Variants in USP39 observed in about 807,000 individuals in gnomAD.
USP39 encodes the protein ubiquitin carboxyl-terminal hydrolase 39.
USP39 carries 38 observed loss-of-function variants against 66.4 expected under a neutral mutation model. The observed-to-expected ratio is 0.57, with a 90% CI of 0.44 to 0.75. USP39 has a LOEUF of 0.75. USP39 is among the 30% of genes least tolerant of loss of function. The probability of loss-of-function intolerance (pLI) is 0.00; values close to 1 mark genes in which losing one functional copy is unlikely to be tolerated. For missense variants in USP39, 608 were observed against 714.4 expected (o/e 0.85, Z 1.70); for synonymous variants, 303 against 274.6 (o/e 1.10, Z -1.02).
At chr2:85,609,104 C>A (rs746389238), upstream of USP39, 7 of 1,608,432 alleles carry the variant, frequency 4.4e-6, no homozygotes, top group Admixed American at 1.0e-4. Context: ...CAGGGCCTGG[C>A]CTCTTCCAGA....
rs1676199432 is a variant in USP39, at chr2:85,641,040, TA to T, written c.1351del (p.Ile451SerfsTer30). The T allele has an allele frequency of 6.2e-7, 1 of 1,613,742 alleles. No homozygotes were observed. The highest frequency in any genetic ancestry group is 1.7e-5 in the Admixed American group (1 of 59,966). On this transcript the variant is annotated frameshift_variant, in exon 10 of 13. Transcript: ENST00000323701. LOFTEE classifies it high-confidence loss of function. Reference sequence around the variant, plus strand: ...CAGCTTACCAAGTTGCCTCCATATCTAATCTTTTGTATCAAGAGATTCACTA... The same window carrying T: ...CAGCTTACCAAGTTGCCTCCATATCTATCTTTTGTATCAAGAGATTCACTA... ...RFQLTKLPPY[L>X]IFCIKRFTKN...
chr2:85,617,771 A>G (rs1573391988), intron 1 of USP39, among the ~76,000 whole-genome samples: 4 of 152,186 alleles, frequency 2.6e-5, no homozygotes, highest in South Asian at 2.1e-4. Flanking sequence ...ACTGACACCA[A>G]TGCTATATTC....
At chr2:85,636,501 G>T (rs1675787208) in intron 7 of USP39, among the ~76,000 whole-genome samples, 1 of 152,058 alleles carries the variant, frequency 6.6e-6, no homozygotes, top group Non-Finnish European at 1.5e-5. Context: ...TAGTCCCAAT[G>T]ATATTTTATT....
chr2:85,635,982 A>G (rs1398662625), intron 6 of USP39, 71 bp from the exon 7 acceptor site: 9 of 1,452,692 alleles, frequency 6.2e-6, no homozygotes, highest in Non-Finnish European at 7.7e-6. Flanking sequence ...AGGAATGCCA[A>G]CCAGTGCATG....
At chr2:85,625,125 G>C (rs1674751134) in intron 4 of USP39, among the ~76,000 whole-genome samples, 1 of 152,096 alleles carries the variant, frequency 6.6e-6, no homozygotes, top group Middle Eastern at 3.2e-3. Flanking sequence ...CCAGTACCAG[G>C]GACTCATGGA....
chr2:85,604,705 C>T (rs188059154), intron 1 of USP39, among the ~76,000 whole-genome samples: 16 of 152,368 alleles, frequency 1.1e-4, no homozygotes, highest in Non-Finnish European at 2.9e-5. Context: ...CAGGAACCAT[C>T]TTCCTGCCCA....
At chr2:85,608,086 T>C (rs1162321267), upstream of USP39, 1 of 152,214 alleles carries the variant, frequency 6.6e-6, no homozygotes, top group Non-Finnish European at 1.5e-5. Flanking sequence ...TAATTCCCTT[T>C]TAGTCTGAGC....
chr2:85,645,163 C>T, intron 11 of USP39, 80 bp downstream of exon 11: 1 of 1,588,240 alleles, frequency 6.3e-7, no homozygotes, highest in African/African-American at 1.3e-5. Flanking sequence ...CAGCTCCCTT[C>T]AGTGTGTCCT....
In USP39 at chr2:85,645,139, G is replaced by A. The variant is rs562152740; in HGVS notation, c.1563+56G>A. 14 of 1,609,786 alleles carry A rather than the reference G, an allele frequency of 8.7e-6. No homozygotes were observed. The South Asian group carries it at 1.5e-4, about 18-fold the overall frequency. ...GAGTGGCAAAAACAGGTGTTTCTTTGGCATCTCAGAGGGCAGCTCCCTTCA... is the reference window on the plus strand; with the variant it reads ...GAGTGGCAAAAACAGGTGTTTCTTTAGCATCTCAGAGGGCAGCTCCCTTCA... On this transcript the variant is annotated intron_variant, in intron 11 of 12. Transcript: ENST00000323701.
At chr2:85,623,520 T>C in intron 3 of USP39, 126 bp from the exon 4 acceptor site, 3 of 1,314,088 alleles carry the variant, frequency 2.3e-6, no homozygotes, top group Non-Finnish European at 3.0e-6. Context: ...ATTTTATGAA[T>C]GGCATAATAT....
chr2:85,613,475 G>A (rs2104184047), upstream of USP39, among the ~76,000 whole-genome samples: 1 of 152,266 alleles, frequency 6.6e-6, no homozygotes, highest in Admixed American at 6.5e-5. Context: ...TCGAGCCACT[G>A]CAGTCCAACC....
intron 12 of USP39, among the ~76,000 whole-genome samples, 170 bp from the exon 13 acceptor site, chr2:85,648,591 C>T (rs1426939075): frequency 6.6e-6 from 1 of 152,206 alleles, no homozygotes; most frequent in Non-Finnish European, 1.5e-5. Context: ...CTAGAGATAA[C>T]TTTTTTCTCC....
At chr2:85,646,883 C>CTTTTTTT (rs773751290) in intron 11 of USP39, among the ~76,000 whole-genome samples, 3 of 108,508 alleles carry the variant, frequency 2.8e-5, no homozygotes. Flanking sequence ...TGACCTGTTG[C>CTTTTTTT]TTTTTTTTTT....
chr2:85,647,331 A>G (rs2104367493), intron 11 of USP39, among the ~76,000 whole-genome samples: 1 of 152,268 alleles, frequency 6.6e-6, no homozygotes, highest in Middle Eastern at 3.4e-3. Context: ...TTTAGTGTCC[A>G]CTAAATTCCT....
chr2:85,624,219 G>T (rs1343452007), intron 4 of USP39, among the ~76,000 whole-genome samples: 1 of 152,126 alleles, frequency 6.6e-6, no homozygotes, highest in Non-Finnish European at 1.5e-5. Flanking sequence ...TTTGTGACCT[G>T]TGCCAAGAGA....
intron 3 of USP39, 59 bp from the exon 4 acceptor site, chr2:85,623,587 C>A: frequency 6.6e-7 from 1 of 1,518,162 alleles, no homozygotes; most frequent in Non-Finnish European, 8.8e-7. Flanking sequence ...GAAAAGCAAA[C>A]CTGATCTGTG....
chr2:85,643,352 T>C (rs530338455), intron 10 of USP39, among the ~76,000 whole-genome samples: 139 of 151,980 alleles, frequency 9.1e-4, no homozygotes, highest in Middle Eastern at 3.4e-3. Context: ...TAGCCAGGCA[T>C]GGTGGTGGGC....
At chr2:85,617,656 T>C (rs1397186394) in intron 1 of USP39, among the ~76,000 whole-genome samples, 1 of 152,070 alleles carries the variant, frequency 6.6e-6, no homozygotes, top group Non-Finnish European at 1.5e-5. Context: ...TTTGAAAAAA[T>C]GGTTAATGGT....
intron 6 of USP39, among the ~76,000 whole-genome samples, chr2:85,631,518 T>C (rs1435563552): frequency 6.6e-6 from 1 of 151,912 alleles, no homozygotes; most frequent in African/African-American, 2.4e-5. Context: ...GTCCAGTGGA[T>C]AGTGTGGTTA....
Sources: allele counts gnomAD v4.1 joint callset (sites outside exome capture counted in the v4.1 genomes callset), GRCh38; gene constraint gnomAD v4.1.1; transcripts MANE v1.5; gene names NCBI Gene and HGNC (gene_info 2026-07-23, HGNC 2026-07-21).